Variants in FSTL5 observed in about 807,000 individuals in gnomAD.
The protein encoded by FSTL5 is follistatin-related protein 5.
In FSTL5, 62 loss-of-function variants were observed where a neutral mutation model predicts 89.1. That is an observed-to-expected ratio of 0.70 (90% CI 0.57 to 0.86). FSTL5 has a LOEUF of 0.86. Among genes scored for constraint, FSTL5 ranks in the 40% least tolerant of loss-of-function variants. The pLI is 0.00. For missense variants in FSTL5, 1,057 were observed against 1,001.6 expected, an observed-to-expected ratio of 1.06 and a Z score of -0.75; for synonymous variants, 383 against 346.2, an observed-to-expected ratio of 1.11 and a Z score of -1.18.
At chr4:162,147,255 T>C (rs1464375188) in intron 1 of FSTL5, among the ~76,000 whole-genome samples, 1 of 152,184 alleles carries the variant, frequency 6.6e-6, no homozygotes, top group Non-Finnish European at 1.5e-5. Flanking sequence ...TTAGTTAATC[T>C]GGAAATTAGT....
intron 1 of FSTL5, among the ~76,000 whole-genome samples, chr4:162,120,752 A>C (rs527824929): frequency 9.2e-5 from 14 of 152,070 alleles, no homozygotes; most frequent in Non-Finnish European, 1.9e-4. Flanking sequence ...ATTTTAAAAA[A>C]TACTACAGCA....
At chr4:161,631,739 C>G (rs1053364599) in intron 7 of FSTL5, among the ~76,000 whole-genome samples, 3 of 152,168 alleles carry the variant, frequency 2.0e-5, no homozygotes, top group African/African-American at 7.2e-5. Flanking sequence ...TTCTGACACA[C>G]AAATTACTAC....
chr4:161,933,640 GA>G (rs1377512414), intron 3 of FSTL5, among the ~76,000 whole-genome samples: 1 of 151,314 alleles, frequency 6.6e-6, no homozygotes, highest in African/African-American at 2.4e-5. Flanking sequence ...TTTCAAGGTG[GA>G]AAATGGTTAC....
At chr4:162,137,239 T>G (rs1219953958) in intron 1 of FSTL5, among the ~76,000 whole-genome samples, 1 of 152,134 alleles carries the variant, frequency 6.6e-6, no homozygotes, top group Non-Finnish European at 1.5e-5. Flanking sequence ...AATATCTCAA[T>G]ATGCACATTT....
chr4:161,389,114 C>T (rs1305654191), intron 15 of FSTL5, among the ~76,000 whole-genome samples: 1 of 151,968 alleles, frequency 6.6e-6, no homozygotes, highest in Admixed American at 6.6e-5. Context: ...TTCAAAATTT[C>T]CCCTAGTACA....
Position 161,384,128 on chromosome 4 carries a change from T to C in FSTL5, c.*1619A>G, listed in dbSNP as rs1461411908. 1.3e-5 allele frequency: 2 copies of C among 152,180 alleles called. No homozygotes were observed. The highest frequency in any genetic ancestry group is 1.9e-4 in the East Asian group (1 of 5,192). 9.4% of individuals were successfully genotyped at this position (152,180 alleles called of 1,614,324 possible). A position where few individuals can be genotyped will look rare whatever the true frequency, so the allele number is the denominator to read the frequency against. Reference sequence around the variant, plus strand: ...TGTTGTTTATTAAATCTACCTCGCATGTTTCTGCTAAGAAGAAATCTACTG... The same window carrying C: ...TGTTGTTTATTAAATCTACCTCGCACGTTTCTGCTAAGAAGAAATCTACTG... On this transcript the variant is annotated 3_prime_UTR_variant, in exon 16 of 16. Coordinates refer to ENST00000306100, the MANE Select transcript of FSTL5 (RefSeq NM_020116.5).
intron 5 of FSTL5, among the ~76,000 whole-genome samples, chr4:161,774,323 A>G (rs1310005979): frequency 2.6e-5 from 4 of 152,200 alleles, no homozygotes; most frequent in Non-Finnish European, 5.9e-5. Flanking sequence ...TTCCAAGTTC[A>G]GAGGAAGCAT....
chr4:161,736,631 T>C, intron 6 of FSTL5, among the ~76,000 whole-genome samples: 1 of 152,138 alleles, frequency 6.6e-6, no homozygotes, highest in Non-Finnish European at 1.5e-5. Context: ...TTCTCCGGTA[T>C]GTAGCTTGGG....
chr4:162,016,337 ACT>A (rs1736915077), intron 3 of FSTL5, among the ~76,000 whole-genome samples: 1 of 151,946 alleles, frequency 6.6e-6, no homozygotes, highest in African/African-American at 2.4e-5. Flanking sequence ...TAATCTTTGG[ACT>A]CTCTGAAAAA....
At chr4:161,835,233 G>A (rs371199060) in intron 4 of FSTL5, among the ~76,000 whole-genome samples, 6,494 of 151,476 alleles carry the variant, frequency 0.043, 192 homozygotes, top group Non-Finnish European at 0.067. Flanking sequence ...ATGGTGCTGG[G>A]AAAACTGGCT....
chr4:161,494,774 G>T (rs997760124), intron 12 of FSTL5, among the ~76,000 whole-genome samples: 38 of 152,200 alleles, frequency 2.5e-4, no homozygotes, highest in Middle Eastern at 3.4e-3. Flanking sequence ...CTAAAACCAG[G>T]AATAGGCTGG....
chr4:161,408,142 G>C (rs1731453762), intron 15 of FSTL5, among the ~76,000 whole-genome samples: 1 of 152,194 alleles, frequency 6.6e-6, no homozygotes, highest in East Asian at 1.9e-4. Context: ...GCTTTCCCAA[G>C]GCCCATGAAC....
chr4:161,704,991 G>C (rs1738521245), intron 6 of FSTL5, among the ~76,000 whole-genome samples: 1 of 151,856 alleles, frequency 6.6e-6, no homozygotes, highest in Non-Finnish European at 1.5e-5. Context: ...ACTTAAAAAA[G>C]CCTCCTGTGG....
intron 4 of FSTL5, among the ~76,000 whole-genome samples, chr4:161,812,356 T>G (rs951928322): frequency 6.6e-6 from 1 of 152,170 alleles, no homozygotes; most frequent in Admixed American, 6.5e-5. Flanking sequence ...CCTGTGCAAG[T>G]ACAGTCCCCT....
chr4:161,750,510 C>T (rs1458223596), intron 6 of FSTL5, among the ~76,000 whole-genome samples: 2 of 151,804 alleles, frequency 1.3e-5, no homozygotes, highest in Non-Finnish European at 2.9e-5. Flanking sequence ...CTTTTTTTAA[C>T]GTGACTGCTA....
chr4:162,088,746 A>G (rs180690047), intron 2 of FSTL5, among the ~76,000 whole-genome samples: 23 of 152,266 alleles, frequency 1.5e-4, no homozygotes, highest in Admixed American at 1.1e-3. Context: ...GAAAACTGAA[A>G]CATTTTGTCT....
chr4:161,927,245 A>G (rs115288526), intron 3 of FSTL5, among the ~76,000 whole-genome samples: 1 of 151,870 alleles, frequency 6.6e-6, no homozygotes, highest in Non-Finnish European at 1.5e-5. Context: ...CATATGCTAA[A>G]TCATCTGCAA....
At chr4:161,995,637 T>C (rs532288837) in intron 3 of FSTL5, among the ~76,000 whole-genome samples, 2 of 152,228 alleles carry the variant, frequency 1.3e-5, no homozygotes, top group East Asian at 1.9e-4. Flanking sequence ...ATAGACACTG[T>C]ATCACATCGG....
At chr4:161,874,156 C>T (rs1412877461) in intron 4 of FSTL5, among the ~76,000 whole-genome samples, 1 of 152,072 alleles carries the variant, frequency 6.6e-6, no homozygotes, top group Non-Finnish European at 1.5e-5. Context: ...AGTCTCCTAA[C>T]AGCAGTGAAT....
Sources: allele counts gnomAD v4.1 joint callset (sites outside exome capture counted in the v4.1 genomes callset), GRCh38; gene constraint gnomAD v4.1.1; transcripts MANE v1.5; gene names NCBI Gene and HGNC (gene_info 2026-07-23, HGNC 2026-07-21).